The following JCAD variants were observed in gnomAD, a reference collection of about 807,000 sequenced individuals.
JCAD encodes the protein junctional cadherin 5-associated protein.
In JCAD, 40 loss-of-function variants were observed where a neutral mutation model predicts 98.0. The observed-to-expected ratio is 0.41, with a 90% CI of 0.32 to 0.53. The LOEUF (loss-of-function observed/expected upper bound fraction) is 0.53, where lower values mean the gene tolerates loss of function less well. Among genes scored for constraint, JCAD ranks in the 20% least tolerant of loss-of-function variants. The pLI is 0.31. For synonymous variants in JCAD, 691 were observed against 682.3 expected, an observed-to-expected ratio of 1.01 and a Z score of -0.20; for missense variants, 1,705 against 1,738.1, an observed-to-expected ratio of 0.98 and a Z score of 0.34.
At position 30,026,219 on chromosome 10, in the gene JCAD, C is replaced by A; in HGVS notation, c.3929G>T (p.Arg1310Leu). 1 of 1,614,026 alleles carries A rather than the reference C, an allele frequency of 6.2e-7. No homozygotes were observed. Reference sequence around the variant, plus strand: ...GAGTGAGTGGCCCAATCTCTGGGCACGGTCCCCACTGCCAGGAGACACAAG... The same window carrying A: ...GAGTGAGTGGCCCAATCTCTGGGCAAGGTCCCCACTGCCAGGAGACACAAG... ...GGLVSPGSGD[R>L]AQRLGHSLSV... is the part of the protein sequence containing the mutation. The change falls in exon 3 of 4, where the codon CGT becomes CTT. Residue 1310 changes from arginine to leucine, a missense_variant. By Grantham distance (102) the Arg-to-Leu change is moderately radical (BLOSUM62 -2). Coordinates refer to ENST00000375377, the MANE Select transcript of JCAD (RefSeq NM_020848.4).
Position 30,082,868 on chromosome 10 carries a change from A to C in JCAD, n.129-13047T>G, listed in dbSNP as rs1226726812. Among the ~76,000 whole-genome samples, 231 of 148,866 alleles carry C rather than the reference A, an allele frequency of 1.6e-3. 3 individuals are homozygous for C. Among genetic ancestry groups the C allele is most frequent in the Admixed American group, 2.9e-3 (44 of 15,008 alleles). ...CTCTGTCTCAAAAAAAAAAAAAAAA[A>C]AAAAAAAAACAAAAAATTAGCTGGG... On this transcript the variant is annotated intron_variant and non_coding_transcript_variant, in intron 1 of 2. Transcript: ENST00000465712.
In JCAD at chr10:30,047,709, G is replaced by A. The variant is rs576802549; in HGVS notation, c.104C>T (p.Thr35Ile). ...DNPKGRQAAR[T>I]GTRAGQGLQN... ...CAGGCCCTGGCCTGCTCGTGTCCCA[G>A]TCCTCGCTGCCTGGCGCCCCTTGGG... is the stretch of plus-strand genomic sequence containing the variant. Residue 35 changes from threonine (T) to isoleucine (I), a missense_variant, in exon 2 of 4, where the codon ACT (threonine) becomes ATT (isoleucine). By Grantham distance (89) the Thr-to-Ile change is moderately conservative. Transcript: ENST00000375377. The A allele has an allele frequency of 6.2e-7, 1 of 1,614,260 alleles. No homozygotes were observed. Among genetic ancestry groups the A allele is most frequent in the East Asian group, 2.2e-5 (1 of 44,880 alleles).
At chr10:30,074,945 G>T (rs1837956614) in intron 1 of JCAD, among the ~76,000 whole-genome samples, 1 of 152,050 alleles carries the variant, frequency 6.6e-6, no homozygotes, top group Non-Finnish European at 1.5e-5. Flanking sequence ...GGCACATGCT[G>T]CCATGTGTGG....
intron 2 of JCAD, 67 bp from the exon 3 acceptor site, chr10:30,029,933 G>T: frequency 6.7e-7 from 1 of 1,487,822 alleles, no homozygotes; most frequent in East Asian, 2.4e-5. Flanking sequence ...TCTGTGACTG[G>T]CATTCGAAGT....
In JCAD at chr10:30,051,073, C is replaced by T. The variant is rs188195375; in HGVS notation, c.-59-3202G>A. ...AGGCTACTAATTTAGGTTCACTCAT[C>T]TATATTTTCTTCCTTAACATCAAAA... On this transcript the variant is annotated intron_variant, in intron 1 of 3. Transcript: ENST00000375377. Among the ~76,000 whole-genome samples, 627 of 152,314 alleles carry T rather than the reference C, an allele frequency of 4.1e-3. 4 individuals carry two copies. The highest frequency in any genetic ancestry group is 6.1e-3 in the Admixed American group (94 of 15,300).
Position 30,047,596 on chromosome 10 carries a change from G to C in JCAD, c.217C>G (p.Arg73Gly). The part of the protein sequence containing the change: ...KGHVSDSESR[R>G]STPRGHGEPQ... ...TCCCCGTGGCCTCTCGGTGTGCTGC[G>C]GCGGCTTTCGGAGTCACTCACATGT... Residue 73 changes from arginine (R) to glycine (G), a missense_variant, in exon 2 of 4, where the codon CGC (arginine) becomes GGC (glycine). Physicochemically the swap from Arg to Gly is moderately radical, Grantham distance 125. Coordinates refer to ENST00000375377, the MANE Select transcript of JCAD (RefSeq NM_020848.4). 1 of 1,614,132 alleles carries C rather than the reference G, an allele frequency of 6.2e-7. No individual in the cohort carries two copies. The highest frequency in any genetic ancestry group is 8.5e-7 in the Non-Finnish European group (1 of 1,180,020).
At position 30,048,995 on chromosome 10, in the gene JCAD, C is replaced by T. The variant is rs548415956; in HGVS notation, c.-59-1124G>A. ...TACCTGAATCAACAGCAGCAACTTC[C>T]TCCAGTGTAAACTGCACAAAACAAG... On this transcript the variant is annotated intron_variant, in intron 1 of 3. Transcript: ENST00000375377. 2.6e-5 allele frequency among the ~76,000 whole-genome samples: 4 copies of T among 152,320 alleles called. No homozygotes were observed. The South Asian group carries it at 8.3e-4, about 32-fold the overall frequency.
chr10:30,063,786 C>A (rs1837740849), upstream of JCAD, among the ~76,000 whole-genome samples: 1 of 151,806 alleles, frequency 6.6e-6, no homozygotes, highest in Non-Finnish European at 1.5e-5. Context: ...ACTTAATCCC[C>A]AATGTGGCAG....
chr10:30,091,143 T>C (rs927339086), intron 1 of JCAD, among the ~76,000 whole-genome samples: 5 of 152,352 alleles, frequency 3.3e-5, no homozygotes, highest in East Asian at 3.9e-4. Context: ...TGACAGTTGT[T>C]TGGCATCATT....
At chr10:30,076,990 A>C (rs974092069) in intron 1 of JCAD, among the ~76,000 whole-genome samples, 8 of 152,318 alleles carry the variant, frequency 5.3e-5, no homozygotes, top group Non-Finnish European at 1.2e-4. Flanking sequence ...AGGCAGAAAA[A>C]TGGACACATA....
Position 30,027,537 on chromosome 10 carries a change from G to T in JCAD, c.2611C>A (p.Arg871Ser). 6.2e-7 allele frequency: 1 copy of T among 1,613,260 alleles called. No individual in the cohort carries two copies. Among genetic ancestry groups the T allele is most frequent in the Non-Finnish European group, 8.5e-7 (1 of 1,180,044 alleles). Residue 871 changes from arginine (R) to serine (S), a missense_variant, in exon 3 of 4, where the codon CGT becomes AGT. This residue lies in a region of JCAD where 1,278 missense variants were observed against 1,243.1 expected (regional missense o/e 1.03). Transcript: ENST00000375377. ...ESEAEPQQEN[R>S]AHCRQEDVGF... ...ACATCCTCCTGTCTGCAGTGAGCACGGTTCTCCTGCTGCGGCTCCGCCTCA... is the reference window on the plus strand; with the variant it reads ...ACATCCTCCTGTCTGCAGTGAGCACTGTTCTCCTGCTGCGGCTCCGCCTCA...
intron 1 of JCAD, among the ~76,000 whole-genome samples, chr10:30,074,896 G>A (rs934111963): frequency 2.0e-5 from 3 of 152,040 alleles, no homozygotes; most frequent in Admixed American, 6.6e-5. Flanking sequence ...GGGCTCAAGC[G>A]ATCCTCTTGC....
intron 1 of JCAD, among the ~76,000 whole-genome samples, chr10:30,082,815 T>A (rs1838106759): frequency 7.0e-6 from 1 of 142,612 alleles, no homozygotes; most frequent in Admixed American, 7.5e-5. Flanking sequence ...CACACCATTG[T>A]ACTTTAGCCT....
At chr10:30,073,831 T>C (rs1445395339) in intron 1 of JCAD, among the ~76,000 whole-genome samples, 1 of 151,948 alleles carries the variant, frequency 6.6e-6, no homozygotes, top group Non-Finnish European at 1.5e-5. Flanking sequence ...CTTAAAACTA[T>C]TGAAACACAC....
chr10:30,058,591 G>T (rs1374668456), intron 1 of JCAD, among the ~76,000 whole-genome samples: 1 of 152,234 alleles, frequency 6.6e-6, no homozygotes, highest in Non-Finnish European at 1.5e-5. Flanking sequence ...ACGGAAGCGA[G>T]AGGGGCGCTT....
chr10:30,095,398 G>A (rs1023690542), intron 1 of JCAD, among the ~76,000 whole-genome samples: 1 of 152,158 alleles, frequency 6.6e-6, no homozygotes, highest in Non-Finnish European at 1.5e-5. Context: ...GGCCAGCCTT[G>A]CAATGGCCCT....
intron 1 of JCAD, among the ~76,000 whole-genome samples, chr10:30,104,382 A>C (rs867045039): frequency 4.7e-4 from 72 of 152,230 alleles, no homozygotes; most frequent in African/African-American, 1.6e-3. Flanking sequence ...ACACCATGGA[A>C]CACTATGCAG....
chr10:30,061,572 A>G (rs549730247), upstream of JCAD, among the ~76,000 whole-genome samples: 2 of 152,006 alleles, frequency 1.3e-5, no homozygotes, highest in East Asian at 3.9e-4. Context: ...AGAAAAGAAA[A>G]TAGTAGCTAC....
In JCAD at chr10:30,016,398, A is replaced by AAGGG. The variant is rs148016225; in HGVS notation, c.*1481_*1484dup. 6.5e-4 allele frequency: 85 copies of AAGGG among 131,202 alleles called. No individual in the cohort carries two copies. The highest frequency in any genetic ancestry group is 2.3e-3 in the African/African-American group (77 of 33,460). 8.1% of individuals were successfully genotyped at this position (131,202 alleles called of 1,614,324 possible). A position where few individuals can be genotyped will look rare whatever the true frequency, so the allele number is the denominator to read the frequency against. On this transcript the variant is annotated 3_prime_UTR_variant, in exon 4 of 4. Transcript: ENST00000375377. ...GGAGGACAGAAGGAAGGAAGAAAGG[A>AAGGG]AGGGAGGGAGGGAGGGAGGGAGGGG...
Sources: allele counts gnomAD v4.1 joint callset (sites outside exome capture counted in the v4.1 genomes callset), GRCh38; gene constraint gnomAD v4.1.1; regional missense constraint gnomAD v4.1.1; transcripts MANE v1.5; gene names NCBI Gene and HGNC (gene_info 2026-07-23, HGNC 2026-07-21).